NPFFR2: variants seen among roughly 807,000 people sequenced by gnomAD.
NPFFR2 encodes neuropeptide FF receptor 2.
NPFFR2 carries 15 observed loss-of-function variants against 13.1 expected under a neutral mutation model. That is an observed-to-expected ratio of 1.15 (90% CI 0.77 to 1.76). NPFFR2 has a LOEUF of 1.76. NPFFR2 is among the 40% of genes most tolerant of loss of function. The pLI, the probability that NPFFR2 is intolerant of heterozygous loss-of-function variation, is 0.00. For synonymous variants in NPFFR2, 190 were observed against 175.7 expected (o/e 1.08, Z -0.65); for missense variants, 572 against 503.5 (o/e 1.14, Z -1.30).
chr4:72,069,526 T>C (rs188369519), intron 1 of NPFFR2, among the ~76,000 whole-genome samples: 2 of 152,250 alleles, frequency 1.3e-5, no homozygotes, highest in African/African-American at 4.8e-5. Context: ...AAAATAGGAA[T>C]CAGACAGGTA....
Position 72,083,357 on chromosome 4 carries a change from A to AT in NPFFR2, c.-7-45224dup, listed in dbSNP as rs573018911. Among the ~76,000 whole-genome samples, 81 of 152,256 alleles carry AT rather than the reference A, an allele frequency of 5.3e-4. 1 individual carries two copies. The highest frequency in any genetic ancestry group is 1.7e-3 in the African/African-American group (70 of 41,556). ...TCCACATCCTTCCAACACTTGTTAT[A>AT]TTTTGTCTTTTTGATAATAGCCCTT... On this transcript the variant is annotated intron_variant, in intron 1 of 3. Transcript: ENST00000308744.
At chr4:72,070,300 C>G (rs1379788425) in intron 1 of NPFFR2, among the ~76,000 whole-genome samples, 1 of 152,120 alleles carries the variant, frequency 6.6e-6, no homozygotes, top group Non-Finnish European at 1.5e-5. Context: ...AGAACTATGG[C>G]CTTTGGCCCC....
At chr4:72,115,909 A>G (rs9291171) in intron 1 of NPFFR2, among the ~76,000 whole-genome samples, 40,866 of 152,104 alleles carry the variant, frequency 0.27, 5,839 homozygotes, top group Middle Eastern at 0.36. Flanking sequence ...ATTAAAATTG[A>G]TCATTCTAGT....
chr4:72,117,299 T>G (rs1263571250), intron 1 of NPFFR2, among the ~76,000 whole-genome samples: 1 of 152,228 alleles, frequency 6.6e-6, no homozygotes, highest in Non-Finnish European at 1.5e-5. Flanking sequence ...CTTTTTAACC[T>G]TCCTAATTAT....
chr4:72,034,008 A>G (rs189773639), intron 1 of NPFFR2, among the ~76,000 whole-genome samples: 4 of 152,302 alleles, frequency 2.6e-5, no homozygotes, highest in Non-Finnish European at 2.9e-5. Context: ...GTATTGCATT[A>G]AAATGGATTT....
chr4:72,086,710 A>C (rs1037805799), intron 1 of NPFFR2, among the ~76,000 whole-genome samples: 1 of 152,126 alleles, frequency 6.6e-6, no homozygotes, highest in African/African-American at 2.4e-5. Flanking sequence ...CTCATTAACC[A>C]TATTGTATGC....
intron 1 of NPFFR2, among the ~76,000 whole-genome samples, chr4:72,098,249 G>A (rs2109807502): frequency 6.6e-6 from 1 of 152,292 alleles, no homozygotes; most frequent in South Asian, 2.1e-4. Context: ...TCACAAAGAT[G>A]AGTAAGATAT....
intron 3 of NPFFR2, among the ~76,000 whole-genome samples, chr4:72,139,836 A>T (rs1248706043): frequency 6.6e-6 from 1 of 152,158 alleles, no homozygotes; most frequent in Non-Finnish European, 1.5e-5. Context: ...TGAATCTATA[A>T]ATTACCTTGG....
At chr4:72,136,076 C>T (rs1329846458) in intron 2 of NPFFR2, among the ~76,000 whole-genome samples, 2 of 152,132 alleles carry the variant, frequency 1.3e-5, no homozygotes, top group Admixed American at 6.6e-5. Flanking sequence ...AGCTCTAAGG[C>T]TAGGTGCAGT....
chr4:72,067,399 T>G (rs2109780311), intron 1 of NPFFR2, among the ~76,000 whole-genome samples: 1 of 152,268 alleles, frequency 6.6e-6, no homozygotes, highest in Admixed American at 6.5e-5. Flanking sequence ...CTCTGGGTGT[T>G]TGATGGGTAC....
At chr4:72,073,709 A>G (rs1024301819) in intron 1 of NPFFR2, among the ~76,000 whole-genome samples, 3 of 152,042 alleles carry the variant, frequency 2.0e-5, no homozygotes, top group African/African-American at 7.2e-5. Flanking sequence ...CAATGTGTAA[A>G]GATATAATTT....
At chr4:72,078,138 A>G (rs981358296) in intron 1 of NPFFR2, among the ~76,000 whole-genome samples, 3 of 152,112 alleles carry the variant, frequency 2.0e-5, no homozygotes, top group African/African-American at 7.2e-5. Context: ...AATCAGCCAT[A>G]ATTATGGATT....
At chr4:72,051,144 G>T (rs1719562072) in intron 1 of NPFFR2, among the ~76,000 whole-genome samples, 1 of 151,688 alleles carries the variant, frequency 6.6e-6, no homozygotes, top group Non-Finnish European at 1.5e-5. Flanking sequence ...GGGATGGCTG[G>T]GTCAAATGGT....
Position 72,138,102 on chromosome 4 carries a change from G to A in NPFFR2, c.391G>A (p.Ala131Thr), listed in dbSNP as rs780254714. 6.2e-6 allele frequency: 10 copies of A among 1,613,602 alleles called. No homozygotes were observed. In the Middle Eastern group the frequency reaches 4.9e-4, roughly 80 times the overall value. The part of the protein sequence containing the change: ...SGLVQGISVA[A>T]SVFTLVAIAV... ...ATTGGTCCAGGGAATATCTGTCGCA[G>A]CTTCAGTCTTTACGTTAGTTGCAAT... Residue 131 changes from alanine to threonine, a missense_variant, in exon 3 of 4, where the codon GCT (alanine) becomes ACT (threonine). Physicochemically the swap from Ala to Thr is moderately conservative, Grantham distance 58. Transcript: ENST00000308744.
At chr4:72,127,895 C>T (rs1367572177) in intron 1 of NPFFR2, among the ~76,000 whole-genome samples, 4 of 151,942 alleles carry the variant, frequency 2.6e-5, no homozygotes, top group African/African-American at 4.8e-5. Context: ...GACTGGGCAA[C>T]GTGGCAAAAC....
chr4:72,037,464 T>C (rs575030916), intron 1 of NPFFR2, among the ~76,000 whole-genome samples: 1 of 152,046 alleles, frequency 6.6e-6, no homozygotes, highest in South Asian at 2.1e-4. Flanking sequence ...TCATTTTACT[T>C]TCTGTCCTTG....
At chr4:72,048,577 A>G (rs1470253826) in intron 1 of NPFFR2, among the ~76,000 whole-genome samples, 1 of 152,130 alleles carries the variant, frequency 6.6e-6, no homozygotes, top group Non-Finnish European at 1.5e-5. Flanking sequence ...TTAAAAATAT[A>G]TAAAAGAGAA....
chr4:72,139,533 G>T (rs1317492363), intron 3 of NPFFR2, among the ~76,000 whole-genome samples: 2 of 152,090 alleles, frequency 1.3e-5, no homozygotes, highest in African/African-American at 4.8e-5. Flanking sequence ...CCCATTGCTT[G>T]TTTTCGTCAG....
intron 1 of NPFFR2, among the ~76,000 whole-genome samples, chr4:72,039,909 T>C (rs1179072747): frequency 6.6e-6 from 1 of 152,192 alleles, no homozygotes; most frequent in African/African-American, 2.4e-5. Flanking sequence ...TAACTGTTTA[T>C]GTTATTAGTT....
Sources: gnomAD v4.1 joint callset for allele counts (sites outside exome capture counted in the v4.1 genomes callset) on GRCh38, gnomAD v4.1.1 for gene constraint, MANE v1.5 for transcripts, NCBI Gene and HGNC (gene_info 2026-07-23, HGNC 2026-07-21) for gene names.